The following ANKRD30A variants were observed in gnomAD, a reference collection of about 807,000 sequenced individuals.
The protein encoded by ANKRD30A is ankyrin repeat domain 30A, also known as ankyrin repeat domain-containing protein 30A.
Under a neutral mutation model 166.3 loss-of-function variants are expected in ANKRD30A, and 170 were observed. That is an observed-to-expected ratio of 1.02 (90% confidence interval 0.90 to 1.16). ANKRD30A has a LOEUF of 1.16. Ranked by LOEUF, ANKRD30A falls within the 50% of genes most tolerant of loss-of-function variation. The probability of loss-of-function intolerance (pLI) is 0.00; values close to 1 mark genes in which losing one functional copy is unlikely to be tolerated. For missense variants in ANKRD30A, 1,630 were observed against 1,518.0 expected (o/e 1.07, Z -1.23); for synonymous variants, 564 against 508.9 (o/e 1.11, Z -1.46).
the ANKRD30A span, among the ~76,000 whole-genome samples, chr10:37,260,318 C>T: frequency 6.6e-6 from 1 of 152,036 alleles, no homozygotes; most frequent in African/African-American, 2.4e-5. Context: ...TAACTTGCTC[C>T]CTTCCTTCCC....
intron 1 of ANKRD30A, among the ~76,000 whole-genome samples, chr10:37,126,536 C>T (rs1478940992): frequency 1.3e-5 from 2 of 152,024 alleles, no homozygotes; most frequent in African/African-American, 4.8e-5. Flanking sequence ...AAGGAAACTT[C>T]GAGGTGGGAA....
intron 1 of ANKRD30A, among the ~76,000 whole-genome samples, chr10:37,126,712 A>T (rs562712509): frequency 5.9e-5 from 9 of 152,286 alleles, no homozygotes; most frequent in African/African-American, 2.2e-4. Flanking sequence ...GTAATGGAGT[A>T]AAAAAGTCTT....
At chr10:37,248,895 A>G in the ANKRD30A span, among the ~76,000 whole-genome samples, 2 of 152,084 alleles carry the variant, frequency 1.3e-5, no homozygotes, top group Non-Finnish European at 2.9e-5. Context: ...CAAAGGAAAG[A>G]TAGATGTGTT....
intron 29 of ANKRD30A, among the ~76,000 whole-genome samples, chr10:37,198,368 A>G (rs1841331734): frequency 1.3e-5 from 2 of 152,126 alleles, no homozygotes; most frequent in African/African-American, 4.8e-5. Context: ...ATATTAGGTT[A>G]TTTATAAAAT....
intron 31 of ANKRD30A, among the ~76,000 whole-genome samples, chr10:37,210,806 A>G (rs1311562070): frequency 6.6e-6 from 1 of 152,026 alleles, no homozygotes; most frequent in African/African-American, 2.4e-5. Flanking sequence ...TCACTTTATG[A>G]TGGGGTTGTT....
the ANKRD30A span, among the ~76,000 whole-genome samples, chr10:37,260,951 C>T: frequency 4.6e-5 from 7 of 152,094 alleles, no homozygotes; most frequent in African/African-American, 1.7e-4. Context: ...GCTATGCTCA[C>T]TACCTGGATG....
At chr10:37,196,411 G>C (rs956099704) in intron 27 of ANKRD30A, among the ~76,000 whole-genome samples, 59 of 152,136 alleles carry the variant, frequency 3.9e-4, no homozygotes, top group Middle Eastern at 3.4e-3. Flanking sequence ...AGAACATTGG[G>C]TTTATGTTTA....
intron 29 of ANKRD30A, 56 bp downstream of exon 29, chr10:37,197,536 A>G (rs1035233215): frequency 9.9e-6 from 16 of 1,609,022 alleles, no homozygotes; most frequent in African/African-American, 1.3e-5. Context: ...GAACATTTTG[A>G]TGGTCTTTCT....
rs61866716 is a variant in ANKRD30A at position 37,125,733 on chromosome 10, T to C, written c.-55T>C. On this transcript the variant is annotated 5_prime_UTR_variant, in exon 1 of 36. Coordinates refer to ENST00000361713, the MANE Select transcript of ANKRD30A (RefSeq NM_052997.3). ...GCGATTGGGGAGGGGTGGGGGGTGG[T>C]GGCTGGGAAGGGCGATCGGGAGGCG... is the stretch of plus-strand genomic sequence containing the variant. 28,159 of 529,740 alleles carry C rather than the reference T, an allele frequency of 0.053. 817 individuals are homozygous for C. The highest frequency in any genetic ancestry group is 0.059 in the Non-Finnish European group (17,757 of 298,888). The allele number at this position is 529,740 out of a possible 1,614,324, so 32.8% of individuals were successfully genotyped here.
At chr10:37,253,484 C>A in the ANKRD30A span, among the ~76,000 whole-genome samples, 1 of 152,090 alleles carries the variant, frequency 6.6e-6, no homozygotes, top group African/African-American at 2.4e-5. Context: ...TATTCATTAA[C>A]CATCACTCTC....
intron 31 of ANKRD30A, among the ~76,000 whole-genome samples, chr10:37,208,143 C>T (rs1343503114): frequency 6.6e-6 from 1 of 152,072 alleles, no homozygotes; most frequent in Non-Finnish European, 1.5e-5. Context: ...CATTCATGAC[C>T]ACTCAGGACA....
intron 13 of ANKRD30A, among the ~76,000 whole-genome samples, chr10:37,156,575 G>T (rs897686434): frequency 6.6e-6 from 1 of 152,038 alleles, no homozygotes; most frequent in Non-Finnish European, 1.5e-5. Context: ...TTTTTATCTT[G>T]TCTTAGAAAA....
At chr10:37,208,116 T>C (rs990840519) in intron 31 of ANKRD30A, among the ~76,000 whole-genome samples, 2 of 152,092 alleles carry the variant, frequency 1.3e-5, no homozygotes, top group African/African-American at 4.8e-5. Context: ...GTCAGGGTTT[T>C]GATAAGGAAG....
At chr10:37,152,429 T>G (rs548753348) in intron 12 of ANKRD30A, among the ~76,000 whole-genome samples, 3 of 152,230 alleles carry the variant, frequency 2.0e-5, no homozygotes, top group Admixed American at 2.0e-4. Context: ...AGAATTACAC[T>G]GATTCCAGCT....
chr10:37,165,183 T>C (rs1297647526), intron 18 of ANKRD30A, 28 bp downstream of exon 18: 1 of 1,567,056 alleles, frequency 6.4e-7, no homozygotes, highest in South Asian at 1.1e-5. Flanking sequence ...TTTTTTTAAA[T>C]ATTAGTATTG....
At chr10:37,182,618 GT>G (rs1348356060) in intron 24 of ANKRD30A, among the ~76,000 whole-genome samples, 7 of 108,832 alleles carry the variant, frequency 6.4e-5, no homozygotes, top group Admixed American at 3.9e-4. Flanking sequence ...TTTTGTTTTT[GT>G]TTTTTTGAGA....
intron 33 of ANKRD30A, among the ~76,000 whole-genome samples, chr10:37,218,778 C>T (rs769148401): frequency 1.5e-4 from 23 of 150,222 alleles, no homozygotes; most frequent in Admixed American, 6.7e-5. Context: ...TTCATGAATT[C>T]GTTGTCTTCA....
intron 6 of ANKRD30A, among the ~76,000 whole-genome samples, chr10:37,140,635 T>C (rs556419368): frequency 1.1e-4 from 16 of 152,332 alleles, no homozygotes; most frequent in Non-Finnish European, 2.2e-4. Context: ...AGTAATTTGT[T>C]ACAACAAGAT....
At chr10:37,129,791 G>C (rs1248790658) in intron 1 of ANKRD30A, 102 bp from the exon 2 acceptor site, 6 of 544,926 alleles carry the variant, frequency 1.1e-5, no homozygotes, top group Non-Finnish European at 1.7e-5. Context: ...TGTTTTGAAG[G>C]CAGAGAAAGA....
Sources: gnomAD v4.1 joint callset for allele counts (sites outside exome capture counted in the v4.1 genomes callset) on GRCh38, gnomAD v4.1.1 for gene constraint, MANE v1.5 for transcripts, NCBI Gene and HGNC (gene_info 2026-07-23, HGNC 2026-07-21) for gene names.